OTOA: variants seen among roughly 807,000 people sequenced by gnomAD.
The protein encoded by OTOA is cancer/testis antigen 108.
Under a neutral mutation model 110.8 loss-of-function variants are expected in OTOA, and 70 were observed. The observed-to-expected ratio is 0.63, with a 90% CI of 0.52 to 0.77. The LOEUF is 0.77. Ranked by LOEUF, OTOA falls within the 30% of genes least tolerant of loss-of-function variation. The pLI is 0.00. For missense variants in OTOA, 917 were observed against 1,075.8 expected (o/e 0.85, Z 2.06); for synonymous variants, 373 against 431.5 (o/e 0.86, Z 1.68).
At chr16:21,666,682 T>C (rs1966840724) in intron 1 of OTOA, among the ~76,000 whole-genome samples, 1 of 151,800 alleles carries the variant, frequency 6.6e-6, no homozygotes. Flanking sequence ...GCCTGACTGA[T>C]TTCCTCCAGT....
intron 9 of OTOA, 35 bp from the exon 10 acceptor site, chr16:21,697,740 A>T (rs761842773): frequency 4.4e-6 from 7 of 1,574,500 alleles, no homozygotes; most frequent in Non-Finnish European, 6.1e-6. Flanking sequence ...TTATTTATGT[A>T]TGTACTCATT....
At chr16:21,737,017 G>A (rs1243020580) in intron 22 of OTOA, among the ~76,000 whole-genome samples, 1 of 152,302 alleles carries the variant, frequency 6.6e-6, no homozygotes, top group Non-Finnish European at 1.5e-5. Context: ...TCACTCCTGA[G>A]TCTGCCACTT....
chr16:21,718,650 C>T (rs1012626324), intron 15 of OTOA, among the ~76,000 whole-genome samples: 1 of 152,136 alleles, frequency 6.6e-6, no homozygotes, highest in African/African-American at 2.4e-5. Flanking sequence ...GTCTACTAGG[C>T]ATTGTTCTAG....
At chr16:21,719,605 T>A in intron 17 of OTOA, 101 bp downstream of exon 17, 2 of 1,155,828 alleles carry the variant, frequency 1.7e-6, no homozygotes, top group Non-Finnish European at 2.6e-6. Flanking sequence ...CCAGAATCAT[T>A]CAGACGCAAG....
chr16:21,720,996 A>G (rs924562564), intron 17 of OTOA, among the ~76,000 whole-genome samples: 2 of 150,664 alleles, frequency 1.3e-5, no homozygotes, highest in Admixed American at 1.3e-4. Context: ...TCTCACTGCA[A>G]CCTCCGCCCC....
chr16:21,727,759 G>A (rs1167634335), intron 19 of OTOA, among the ~76,000 whole-genome samples: 2 of 152,104 alleles, frequency 1.3e-5, no homozygotes, highest in African/African-American at 2.4e-5. Flanking sequence ...GATTTCTGAG[G>A]CCTGCATCCC....
chr16:21,685,384 G>A (rs1177916452), intron 7 of OTOA, 23 bp downstream of exon 7: 5 of 1,607,702 alleles, frequency 3.1e-6, no homozygotes, highest in Non-Finnish European at 4.3e-6. Flanking sequence ...TGGCATCCCG[G>A]GGATAGAGGA....
Position 21,728,296 on chromosome 16 carries a change from A to T in OTOA, c.2072A>T (p.His691Leu). Reference sequence around the variant, plus strand: ...GACATCATGGGGAACCTGCTGTGTCACTTGCCGGCAGCCATCATCGACAGG... The same window carrying T: ...GACATCATGGGGAACCTGCTGTGTCTCTTGCCGGCAGCCATCATCGACAGG... ...TVDIMGNLLC[H>L]LPAAIIDRGI... Residue 691 changes from histidine to leucine, a missense_variant, in exon 20 of 29, where the codon CAC (histidine) becomes CTC (leucine). Physicochemically the swap from His to Leu is moderately conservative, Grantham distance 99. Transcript: ENST00000646100. The T allele has an allele frequency of 1.2e-6, 2 of 1,614,084 alleles. No homozygotes were observed. The highest frequency in any genetic ancestry group is 1.7e-6 in the Non-Finnish European group (2 of 1,180,006).
chr16:21,722,160 G>T (rs1898769096), intron 17 of OTOA, among the ~76,000 whole-genome samples: 1 of 150,434 alleles, frequency 6.6e-6, no homozygotes, highest in South Asian at 2.1e-4. Flanking sequence ...TACTCGGGAG[G>T]CTGACGCAGG....
intron 10 of OTOA, among the ~76,000 whole-genome samples, chr16:21,700,454 G>C (rs1406434905): frequency 6.6e-6 from 1 of 152,128 alleles, no homozygotes; most frequent in Non-Finnish European, 1.5e-5. Context: ...GCCAGGCATG[G>C]TGGCTTACGC....
chr16:21,699,411 G>C (rs778837333), intron 10 of OTOA, among the ~76,000 whole-genome samples: 4 of 152,176 alleles, frequency 2.6e-5, no homozygotes, highest in Admixed American at 6.5e-5. Flanking sequence ...CAAGGCGGGA[G>C]GATCACTTGA....
chr16:21,721,989 C>T (rs1246824194), intron 17 of OTOA, among the ~76,000 whole-genome samples: 11 of 150,244 alleles, frequency 7.3e-5, no homozygotes, highest in African/African-American at 9.8e-5. Context: ...TTTAGGAGGC[C>T]GAGATGGGTG....
At chr16:21,674,940 A>G (rs1173622601) in intron 1 of OTOA, among the ~76,000 whole-genome samples, 1 of 44,104 alleles carries the variant, frequency 2.3e-5, no homozygotes, top group Admixed American at 3.2e-4. Flanking sequence ...TGATTATTAT[A>G]TGCCTTGGCG....
At position 21,719,407 on chromosome 16, in the gene OTOA, G is replaced by C. The variant is rs1017181428; in HGVS notation, c.1709G>C (p.Gly570Ala). 3 of 1,613,946 alleles carry C rather than the reference G, an allele frequency of 1.9e-6. No individual in the cohort carries two copies. The highest frequency in any genetic ancestry group is 2.5e-6 in the Non-Finnish European group (3 of 1,180,000). ...ELLSAGQLVK[G>A]VTCSHIDAMS... ...TCTAGTGCTGGGCAGCTGGTCAAAGGCGTGACCTGCTCACACATTGATGCC... is the reference window on the plus strand; with the variant it reads ...TCTAGTGCTGGGCAGCTGGTCAAAGCCGTGACCTGCTCACACATTGATGCC... The change falls in exon 17 of 29, where the codon GGC becomes GCC. Residue 570 changes from glycine (G) to alanine (A), a missense_variant. By Grantham distance (60) the Gly-to-Ala change is moderately conservative (BLOSUM62 0). Transcript: ENST00000646100.
chr16:21,681,622 CA>C (rs2141655277), intron 5 of OTOA, 115 bp from the exon 6 acceptor site: 1 of 806,468 alleles, frequency 1.2e-6, no homozygotes, highest in East Asian at 2.6e-5. Flanking sequence ...CTTCCAAGTA[CA>C]AAGTCCTAAC....
chr16:21,732,405 G>A (rs1050080860), intron 21 of OTOA, among the ~76,000 whole-genome samples: 1 of 152,058 alleles, frequency 6.6e-6, no homozygotes, highest in African/African-American at 2.4e-5. Context: ...GTTCTTTAGT[G>A]GTGATTTGTG....
chr16:21,675,011 T>C (rs116211754), intron 1 of OTOA, among the ~76,000 whole-genome samples: 1,978 of 150,038 alleles, frequency 0.013, 44 homozygotes, highest in African/African-American at 0.045. Context: ...TGTGGATCTG[T>C]AGTTCTATCA....
intron 23 of OTOA, among the ~76,000 whole-genome samples, chr16:21,744,349 G>A (rs1390541319): frequency 6.6e-6 from 1 of 151,752 alleles, no homozygotes; most frequent in East Asian, 1.9e-4. Flanking sequence ...GTTTCGTTAT[G>A]TTGGCCAGGC....
At chr16:21,711,619 C>G (rs1898357131) in intron 13 of OTOA, among the ~76,000 whole-genome samples, 1 of 152,210 alleles carries the variant, frequency 6.6e-6, no homozygotes, top group Non-Finnish European at 1.5e-5. Flanking sequence ...TAGGCACCCA[C>G]CACCACACCC....
Sources: gnomAD v4.1 joint callset for allele counts (sites outside exome capture counted in the v4.1 genomes callset) on GRCh38, gnomAD v4.1.1 for gene constraint, MANE v1.5 for transcripts, NCBI Gene and HGNC (gene_info 2026-07-23, HGNC 2026-07-21) for gene names.